Variants in DTNB observed in about 807,000 individuals in gnomAD.
DTNB encodes dystrobrevin beta, also known as DTN-B.
In DTNB, 63 loss-of-function variants were observed where a neutral mutation model predicts 90.7. That is an observed-to-expected ratio of 0.69 (90% confidence interval 0.57 to 0.86). The LOEUF (loss-of-function observed/expected upper bound fraction) is 0.86. DTNB is among the 40% of genes least tolerant of loss of function. The probability of loss-of-function intolerance (pLI) is 0.00; values close to 1 mark genes in which losing one functional copy is unlikely to be tolerated. For missense variants in DTNB, 744 were observed against 807.1 expected, an observed-to-expected ratio of 0.92 and a Z score of 0.95; for synonymous variants, 277 against 286.7, an observed-to-expected ratio of 0.97 and a Z score of 0.34.
chr2:25,494,064 T>C (rs1344764779), intron 9 of DTNB, among the ~76,000 whole-genome samples: 1 of 152,202 alleles, frequency 6.6e-6, no homozygotes, highest in African/African-American at 2.4e-5. Context: ...TTCTTTACTT[T>C]TGCAGCATTG....
intron 6 of DTNB, among the ~76,000 whole-genome samples, chr2:25,589,748 T>C (rs1310209223): frequency 2.0e-5 from 3 of 152,086 alleles, no homozygotes; most frequent in African/African-American, 7.2e-5. Context: ...CGAACTAAAG[T>C]CAATATTGTT....
intron 15 of DTNB, among the ~76,000 whole-genome samples, chr2:25,426,218 A>G (rs1558472456): frequency 2.0e-5 from 3 of 152,198 alleles, no homozygotes; most frequent in Non-Finnish European, 4.4e-5. Context: ...CTGGTAAAAC[A>G]TAATTTCTGG....
At chr2:25,401,070 C>A (rs1341703916) in intron 16 of DTNB, among the ~76,000 whole-genome samples, 1 of 152,132 alleles carries the variant, frequency 6.6e-6, no homozygotes, top group South Asian at 2.1e-4. Flanking sequence ...TTTGAGGAGG[C>A]TGAGGTCAAG....
chr2:25,670,169 A>C (rs1435400232), intron 1 of DTNB, among the ~76,000 whole-genome samples: 2 of 152,224 alleles, frequency 1.3e-5, no homozygotes, highest in East Asian at 3.8e-4. Context: ...AAAATCTCAA[A>C]ATCATTCTGT....
chr2:25,490,374 G>A (rs1293399812), intron 9 of DTNB, among the ~76,000 whole-genome samples: 1 of 152,018 alleles, frequency 6.6e-6, no homozygotes, highest in African/African-American at 2.4e-5. Context: ...TTCTGACACA[G>A]GTCCTTAATT....
rs368154846 is a variant in DTNB at position 25,455,447 on chromosome 2, G to A, written c.1127C>T (p.Ala376Val). 44 of 1,606,242 alleles carry A rather than the reference G, an allele frequency of 2.7e-5. No homozygotes were observed. Among genetic ancestry groups the A allele is most frequent in the Admixed American group, 1.0e-4 (6 of 58,970 alleles). The change falls in exon 11 of 21, where the codon GCG (alanine) becomes GTG (valine). Residue 376 changes from alanine to valine, a missense_variant. Coordinates refer to ENST00000406818, the MANE Select transcript of DTNB (RefSeq NM_021907.5). ...ACGGGCCACATAGGAGGCTATCAGC[G>A]CATGCTCATCGGCCAAGTGACTGGG... ...DIPSHLADEH[A>V]LIASYVARLQ...
rs1282262900 is a variant in DTNB at position 25,388,310 on chromosome 2, G to C, written c.1627C>G (p.Pro543Ala). 6.2e-7 allele frequency: 1 copy of C among 1,613,348 alleles called. No individual in the cohort carries two copies. The highest frequency in any genetic ancestry group is 8.5e-7 in the Non-Finnish European group (1 of 1,179,516). ...HTSPTHGGGR[P>A]MPMPVRSTSA... ...GTGGAGCGCACTGGCATGGGCATTG[G>C]CCGGCCGCCTCCATGGGTGGGCGAT... The change falls in exon 17 of 21, where the codon CCA (proline) becomes GCA (alanine). Residue 543 changes from proline (P) to alanine (A), a missense_variant. Pro to Ala is a conservative substitution (Grantham distance 27, BLOSUM62 -1). Coordinates refer to ENST00000406818, the MANE Select transcript of DTNB (RefSeq NM_021907.5).
intron 11 of DTNB, among the ~76,000 whole-genome samples, chr2:25,454,970 G>T (rs1001447020): frequency 6.6e-6 from 1 of 152,124 alleles, no homozygotes; most frequent in Admixed American, 6.5e-5. Context: ...GATGTAATAG[G>T]GTGACAGTAT....
intron 8 of DTNB, among the ~76,000 whole-genome samples, chr2:25,538,183 G>C (rs2080269285): frequency 6.6e-6 from 1 of 151,932 alleles, no homozygotes; most frequent in Admixed American, 6.6e-5. Context: ...AGGAGTTCGT[G>C]ATCAGCCTGG....
At chr2:25,449,804 C>A (rs1476166028) in intron 12 of DTNB, among the ~76,000 whole-genome samples, 1 of 150,714 alleles carries the variant, frequency 6.6e-6, no homozygotes, top group African/African-American at 2.4e-5. Flanking sequence ...GCTCTGTCAC[C>A]CAGGGTGGAG....
At chr2:25,540,161 A>G (rs1413350342) in intron 8 of DTNB, among the ~76,000 whole-genome samples, 4 of 152,200 alleles carry the variant, frequency 2.6e-5, no homozygotes, top group African/African-American at 9.6e-5. Flanking sequence ...TTTTAGAATC[A>G]GTTTGTCATT....
intron 2 of DTNB, among the ~76,000 whole-genome samples, chr2:25,643,274 T>C (rs1291002244): frequency 6.6e-6 from 1 of 152,014 alleles, no homozygotes; most frequent in Non-Finnish European, 1.5e-5. Flanking sequence ...TCAGACCAAC[T>C]CATCCTGGGC....
intron 7 of DTNB, among the ~76,000 whole-genome samples, chr2:25,579,193 AC>A (rs2061186413): frequency 6.6e-6 from 1 of 152,212 alleles, no homozygotes; most frequent in African/African-American, 2.4e-5. Flanking sequence ...AACTACTAAA[AC>A]ACTTAAGGCT....
intron 6 of DTNB, among the ~76,000 whole-genome samples, chr2:25,582,088 T>A (rs548197185): frequency 6.6e-6 from 1 of 152,340 alleles, no homozygotes; most frequent in East Asian, 1.9e-4. Context: ...TTTAAATCAT[T>A]TATTTCAAGG....
At chr2:25,437,684 CAT>C (rs776864904) in intron 12 of DTNB, among the ~76,000 whole-genome samples, 1 of 152,206 alleles carries the variant, frequency 6.6e-6, no homozygotes, top group Non-Finnish European at 1.5e-5. Flanking sequence ...TTCATAACAA[CAT>C]AGGAGACTTT....
rs192213469 is a variant in DTNB at position 25,641,116 on chromosome 2, T to C, written c.68-2022A>G. ...TACAGTCACGAATCAAGGGTCACTC[T>C]GCTTTCCTTTGCCATTGTTCCTTAT... On this transcript the variant is annotated intron_variant, in intron 2 of 20. Coordinates refer to ENST00000406818, the MANE Select transcript of DTNB (RefSeq NM_021907.5). Among the ~76,000 whole-genome samples the C allele has an allele frequency of 2.7e-3, 414 of 152,316 alleles. 5 individuals carry two copies. Among genetic ancestry groups the C allele is most frequent in the African/African-American group, 9.4e-3 (390 of 41,578 alleles).
intron 9 of DTNB, among the ~76,000 whole-genome samples, chr2:25,514,714 A>G (rs1407807664): frequency 1.4e-4 from 17 of 124,814 alleles, no homozygotes; most frequent in African/African-American, 5.2e-4. Flanking sequence ...GTGGGGACAG[A>G]GTCTTGCTCT....
intron 4 of DTNB, among the ~76,000 whole-genome samples, chr2:25,622,395 G>A (rs778918781): frequency 7.9e-5 from 12 of 152,186 alleles, no homozygotes; most frequent in Non-Finnish European, 1.5e-4. Context: ...CATGAGAATC[G>A]CTTGAATCCA....
At chr2:25,403,922 G>A (rs956226030) in intron 16 of DTNB, among the ~76,000 whole-genome samples, 2 of 152,200 alleles carry the variant, frequency 1.3e-5, no homozygotes, top group Non-Finnish European at 2.9e-5. Context: ...GTGTGCCACT[G>A]TGCCCAGCCT....
Sources: gnomAD v4.1 joint callset for allele counts (sites outside exome capture counted in the v4.1 genomes callset) on GRCh38, gnomAD v4.1.1 for gene constraint, MANE v1.5 for transcripts, NCBI Gene and HGNC (gene_info 2026-07-23, HGNC 2026-07-21) for gene names.